Variants in NRG1 observed in about 807,000 individuals in gnomAD.
NRG1 encodes the protein pro-neuregulin-1, membrane-bound isoform.
NRG1 carries 18 observed loss-of-function variants against 63.8 expected under a neutral mutation model. The observed-to-expected ratio is 0.28, with a 90% CI of 0.19 to 0.42. NRG1 has a LOEUF of 0.42. NRG1 is among the 10% of genes least tolerant of loss of function. The pLI, the probability that NRG1 is intolerant of heterozygous loss-of-function variation, is 1.00. For synonymous variants in NRG1, 302 were observed against 301.3 expected, an observed-to-expected ratio of 1.00 and a Z score of -0.02; for missense variants, 762 against 814.7, an observed-to-expected ratio of 0.94 and a Z score of 0.79.
At chr8:32,249,015 C>G (rs950280153) in intron 1 of NRG1, among the ~76,000 whole-genome samples, 9 of 152,040 alleles carry the variant, frequency 5.9e-5, no homozygotes, top group Non-Finnish European at 1.3e-4. Context: ...GCTCAATTTC[C>G]TCAACTTCTG....
chr8:31,923,861 C>G (rs1046771715), intron 1 of NRG1, among the ~76,000 whole-genome samples: 5 of 151,928 alleles, frequency 3.3e-5, no homozygotes, highest in African/African-American at 9.7e-5. Context: ...TCCACTATCT[C>G]CCACCCCTCA....
chr8:31,882,585 A>C (rs1830437127), intron 1 of NRG1, among the ~76,000 whole-genome samples: 1 of 152,092 alleles, frequency 6.6e-6, no homozygotes, highest in Admixed American at 6.6e-5. Context: ...ATGTGGACAA[A>C]GTTCATTGAA....
chr8:31,657,714 A>C (rs565744780), intron 1 of NRG1, among the ~76,000 whole-genome samples: 2 of 152,346 alleles, frequency 1.3e-5, no homozygotes, highest in Admixed American at 1.3e-4. Context: ...ACATGTTTAC[A>C]TATCTTACGT....
At chr8:32,495,645 T>C (rs1353034928) in intron 1 of NRG1, among the ~76,000 whole-genome samples, 4 of 152,104 alleles carry the variant, frequency 2.6e-5, no homozygotes, top group Non-Finnish European at 4.4e-5. Flanking sequence ...ATATTTTTAG[T>C]AGAGATGGGG....
rs1292833121 is a variant in NRG1 at position 31,640,089 on chromosome 8, A to ACTG, written c.37+668_37+670dup. ...CGCCGCCGCTGCCGCTGCTGCCACT[A>ACTG]CTGCTGCTGCTGGGGACCGCGGCCC... is the stretch of plus-strand genomic sequence containing the variant. On this transcript the variant is annotated intron_variant, in intron 1 of 10. Transcript: ENST00000519301. This position sits in a 1 kb window ranked among gnomAD's most constrained non-coding sequence, Gnocchi z 6.3. 2 of 1,138,862 alleles carry ACTG rather than the reference A, an allele frequency of 1.8e-6. No homozygotes were observed. Among genetic ancestry groups the ACTG allele is most frequent in the East Asian group, 4.4e-5 (1 of 22,740 alleles). 70.5% of individuals were successfully genotyped at this position (1,138,862 alleles called of 1,614,324 possible). A position where few individuals can be genotyped will look rare whatever the true frequency, so the allele number is the denominator to read the frequency against.
At chr8:32,284,056 T>A (rs1308934132) in intron 1 of NRG1, among the ~76,000 whole-genome samples, 2 of 152,216 alleles carry the variant, frequency 1.3e-5, no homozygotes, top group Admixed American at 1.3e-4. Context: ...GGCCACTTTA[T>A]GTTAACAAAG....
At position 31,978,789 on chromosome 8, in the gene NRG1, G is replaced by A. The variant is rs561857600; in HGVS notation, c.37+339358G>A. On this transcript the variant is annotated intron_variant, in intron 1 of 10. Transcript: ENST00000519301. ...TCCATATATCCCATGTATGTGAGAT[G>A]TTTAAAAATGTAAGAATTACTAAGG... Among the ~76,000 whole-genome samples, 64 of 152,248 alleles carry A rather than the reference G, an allele frequency of 4.2e-4. No individual in the cohort carries two copies. The South Asian group carries it at 0.012, about 28-fold the overall frequency.
chr8:31,963,780 T>C (rs942130634), intron 1 of NRG1, among the ~76,000 whole-genome samples: 2 of 152,114 alleles, frequency 1.3e-5, no homozygotes, highest in African/African-American at 2.4e-5. Flanking sequence ...ATGAAACAGT[T>C]TGTGCTTTTC....
intron 6 of NRG1, among the ~76,000 whole-genome samples, chr8:32,739,506 G>C (rs1459871094): frequency 6.6e-6 from 1 of 152,134 alleles, no homozygotes; most frequent in Non-Finnish European, 1.5e-5. Flanking sequence ...TCTGGTGTTA[G>C]TGCACCCAGT....
intron 5 of NRG1, among the ~76,000 whole-genome samples, chr8:32,634,452 G>A (rs1005433795): frequency 6.6e-6 from 1 of 152,094 alleles, no homozygotes; most frequent in Non-Finnish European, 1.5e-5. Flanking sequence ...AAATTATTTT[G>A]ATTCATGTAC....
At chr8:31,688,188 T>A (rs1038177563) in intron 1 of NRG1, among the ~76,000 whole-genome samples, 4 of 152,248 alleles carry the variant, frequency 2.6e-5, no homozygotes, top group Non-Finnish European at 4.4e-5. Context: ...TGTTTGAATG[T>A]TTCTATCTCC....
intron 5 of NRG1, among the ~76,000 whole-genome samples, chr8:32,632,145 C>T (rs999180212): frequency 3.3e-5 from 5 of 152,000 alleles, no homozygotes; most frequent in African/African-American, 1.2e-4. Context: ...CAAGAGAAAC[C>T]GATTTTTAAA....
chr8:32,754,396 G>C, exon 8 of NRG1: 1 of 1,613,804 alleles, frequency 6.2e-7, no homozygotes, highest in South Asian at 1.1e-5. Flanking sequence ...TACCAGAAGA[G>C]AGTGCTGACC....
At chr8:31,876,126 T>A (rs764454611) in intron 1 of NRG1, among the ~76,000 whole-genome samples, 2 of 152,144 alleles carry the variant, frequency 1.3e-5, no homozygotes, top group Non-Finnish European at 2.9e-5. Context: ...TAAAAGTCAG[T>A]TAGTTTATAT....
intron 1 of NRG1, among the ~76,000 whole-genome samples, chr8:32,592,527 G>A (rs879334005): frequency 1.4e-4 from 22 of 151,848 alleles, no homozygotes; most frequent in Non-Finnish European, 2.4e-4. Flanking sequence ...TGAATTTGTC[G>A]TATTGTTTCC....
chr8:32,147,360 T>G (rs1045591681), intron 1 of NRG1, among the ~76,000 whole-genome samples: 1 of 152,204 alleles, frequency 6.6e-6, no homozygotes, highest in Admixed American at 6.5e-5. Flanking sequence ...ACAATCTAAA[T>G]AAATGTCAAT....
At chr8:32,423,123 T>G (rs1816902643) in intron 1 of NRG1, among the ~76,000 whole-genome samples, 1 of 152,208 alleles carries the variant, frequency 6.6e-6, no homozygotes, top group Non-Finnish European at 1.5e-5. Flanking sequence ...TAATTGATAT[T>G]GCTCCATTGG....
intron 5 of NRG1, chr8:32,646,893 G>A (rs575609653): frequency 1.0e-6 from 1 of 984,832 alleles, no homozygotes; most frequent in East Asian, 1.1e-4. Flanking sequence ...GGGAGTGGGG[G>A]TTGGGAGAGG....
At chr8:31,780,902 A>G (rs1314388087) in intron 1 of NRG1, among the ~76,000 whole-genome samples, 1 of 152,172 alleles carries the variant, frequency 6.6e-6, no homozygotes, top group Non-Finnish European at 1.5e-5. Context: ...TTTGTAAATT[A>G]TGAGCTCCAT....
Sources: allele counts gnomAD v4.1 joint callset (sites outside exome capture counted in the v4.1 genomes callset), GRCh38; gene constraint gnomAD v4.1.1; non-coding constraint Gnocchi (gnomAD v3.1); transcripts MANE v1.5; gene names NCBI Gene and HGNC (gene_info 2026-07-23, HGNC 2026-07-21).